Variants in CTNNA3 observed in about 807,000 individuals in gnomAD.
CTNNA3 encodes catenin alpha 3, also known as catenin alpha-3.
A neutral mutation model predicts 95.7 loss-of-function variants in CTNNA3; 76 were observed. The ratio of observed to expected loss-of-function variants is 0.79; its 90% CI spans 0.66 to 0.96. The LOEUF is 0.96. CTNNA3 is among the 40% of genes least tolerant of loss of function. The pLI, the probability that CTNNA3 is intolerant of heterozygous loss-of-function variation, is 0.00. For synonymous variants in CTNNA3, 431 were observed against 374.4 expected (o/e 1.15, Z -1.74); for missense variants, 1,191 against 1,089.8 (o/e 1.09, Z -1.31).
rs778054772 is a variant in CTNNA3 at position 65,973,615 on chromosome 10, C to T, written c.2266-6869G>A. 7.9e-5 allele frequency among the ~76,000 whole-genome samples: 12 copies of T among 152,112 alleles called. 1 individual carries two copies. Among genetic ancestry groups the T allele is most frequent in the Middle Eastern group, 3.4e-3 (1 of 294 alleles). ...ATAAAGAAAAGAAGTTTAATTGGCT[C>T]GTGGTTCTGCAGGATATACAAGCAT... On this transcript the variant is annotated intron_variant, in intron 16 of 17. Coordinates refer to ENST00000433211, the MANE Select transcript of CTNNA3 (RefSeq NM_013266.4).
intron 5 of CTNNA3, among the ~76,000 whole-genome samples, chr10:67,299,592 T>C (rs1042692030): frequency 3.3e-5 from 5 of 152,198 alleles, no homozygotes; most frequent in African/African-American, 9.6e-5. Context: ...TCCCACTGGC[T>C]TTCAGGGTCA....
chr10:67,699,955 C>T (rs976042488), upstream of CTNNA3, among the ~76,000 whole-genome samples: 17 of 152,228 alleles, frequency 1.1e-4, no homozygotes, highest in Admixed American at 5.9e-4. Flanking sequence ...TAAAAGACAG[C>T]GCACCAGGAG....
At chr10:67,744,041 T>C (rs1251295371) in intron 1 of CTNNA3, among the ~76,000 whole-genome samples, 2 of 151,226 alleles carry the variant, frequency 1.3e-5, no homozygotes, top group Non-Finnish European at 3.0e-5. Context: ...TGCTCATGGA[T>C]AGGAAGAATC....
At chr10:67,493,110 AAAGGTAG>A (rs992903263) in intron 5 of CTNNA3, among the ~76,000 whole-genome samples, 1 of 152,148 alleles carries the variant, frequency 6.6e-6, no homozygotes, top group African/African-American at 2.4e-5. Flanking sequence ...TGTGCTTTTT[AAAGGTAG>A]TTTTGTTTTG....
chr10:66,413,424 A>G (rs2093123537), intron 11 of CTNNA3, among the ~76,000 whole-genome samples: 1 of 152,234 alleles, frequency 6.6e-6, no homozygotes, highest in African/African-American at 2.4e-5. Flanking sequence ...ACTGTTTTAC[A>G]TTGTTAGAGA....
chr10:67,284,366 A>G (rs1032011294), intron 5 of CTNNA3, among the ~76,000 whole-genome samples: 4 of 152,214 alleles, frequency 2.6e-5, no homozygotes, highest in African/African-American at 7.2e-5. Context: ...ACAAAGAAGC[A>G]TCTTTAAAGT....
intron 11 of CTNNA3, among the ~76,000 whole-genome samples, chr10:66,490,619 A>G (rs545897777): frequency 2.6e-4 from 40 of 152,326 alleles, no homozygotes; most frequent in African/African-American, 8.4e-4. Context: ...GAACATTTCT[A>G]CAGTATCATT....
chr10:66,911,039 T>C (rs1846200425), intron 7 of CTNNA3, among the ~76,000 whole-genome samples: 2 of 152,216 alleles, frequency 1.3e-5, no homozygotes, highest in African/African-American at 2.4e-5. Flanking sequence ...TTTACCTTGT[T>C]ACTTGAAGGG....
intron 12 of CTNNA3, among the ~76,000 whole-genome samples, chr10:66,293,021 C>A (rs1029982225): frequency 2.0e-5 from 3 of 152,018 alleles, no homozygotes; most frequent in Non-Finnish European, 2.9e-5. Context: ...AGGAAGAAAT[C>A]ATTTCAATAG....
intron 9 of CTNNA3, among the ~76,000 whole-genome samples, chr10:66,671,608 G>A (rs1482923481): frequency 1.3e-5 from 2 of 152,140 alleles, no homozygotes; most frequent in African/African-American, 2.4e-5. Flanking sequence ...TAATTGTAAT[G>A]AAAATGTTTT....
chr10:66,247,309 C>G (rs2090372505), intron 13 of CTNNA3, among the ~76,000 whole-genome samples: 1 of 152,104 alleles, frequency 6.6e-6, no homozygotes, highest in Non-Finnish European at 1.5e-5. Context: ...GGTTTTGACT[C>G]TAATCCCTGG....
intron 11 of CTNNA3, among the ~76,000 whole-genome samples, chr10:66,392,943 CAT>C (rs1044458558): frequency 1.3e-5 from 2 of 151,982 alleles, no homozygotes; most frequent in Admixed American, 6.6e-5. Context: ...AAAACCTGCA[CAT>C]GTGTCTTAAT....
At chr10:67,109,901 G>A (rs917343526) in intron 7 of CTNNA3, among the ~76,000 whole-genome samples, 6 of 152,204 alleles carry the variant, frequency 3.9e-5, no homozygotes, top group Admixed American at 6.5e-5. Context: ...GAACATGTCC[G>A]TATTAACTCG....
intron 13 of CTNNA3, among the ~76,000 whole-genome samples, chr10:66,178,426 T>TACAC (rs1431554853): frequency 3.6e-4 from 24 of 67,324 alleles, no homozygotes; most frequent in South Asian, 1.1e-3. Context: ...TATATATATA[T>TACAC]ATATATATAT....
At chr10:67,081,597 C>T (rs1285763999) in intron 7 of CTNNA3, among the ~76,000 whole-genome samples, 1 of 152,142 alleles carries the variant, frequency 6.6e-6, no homozygotes, top group Non-Finnish European at 1.5e-5. Context: ...CATCATCTCT[C>T]GCCTACCATT....
chr10:67,138,874 T>C (rs1266656565), intron 7 of CTNNA3, among the ~76,000 whole-genome samples: 2 of 152,224 alleles, frequency 1.3e-5, no homozygotes, highest in Non-Finnish European at 2.9e-5. Flanking sequence ...GTCATCCATC[T>C]ATAGGGGTAG....
At chr10:66,817,816 C>A (rs1842147905) in intron 7 of CTNNA3, among the ~76,000 whole-genome samples, 1 of 151,868 alleles carries the variant, frequency 6.6e-6, no homozygotes, top group African/African-American at 2.4e-5. Flanking sequence ...ATTACATTGA[C>A]ACTAAAACTA....
chr10:66,956,512 T>C lies in CTNNA3; in HGVS notation c.1048-180988A>G, dbSNP rs1848800038. On this transcript the variant is annotated intron_variant, in intron 7 of 17. Transcript: ENST00000433211. ...GGCAATAAACAATAATTACATTATT[T>C]CTACTCCTTAGCAAGGAGGAGGCAA... is the stretch of plus-strand genomic sequence containing the variant. Among the ~76,000 whole-genome samples, 3 of 152,096 alleles carry C rather than the reference T, an allele frequency of 2.0e-5. No homozygotes were observed. In the South Asian group the frequency reaches 6.2e-4, roughly 32 times the overall value.
chr10:67,483,988 A>C (rs1848349914), intron 5 of CTNNA3, among the ~76,000 whole-genome samples: 1 of 152,184 alleles, frequency 6.6e-6, no homozygotes, highest in South Asian at 2.1e-4. Context: ...TCTAAAGTTC[A>C]AATGGAACCA....
Sources: allele counts gnomAD v4.1 joint callset (sites outside exome capture counted in the v4.1 genomes callset), GRCh38; gene constraint gnomAD v4.1.1; transcripts MANE v1.5; gene names NCBI Gene and HGNC (gene_info 2026-07-23, HGNC 2026-07-21).